The following MYO3A variants were observed in gnomAD, a reference collection of about 807,000 sequenced individuals.
MYO3A encodes the protein myosin-IIIa.
A neutral mutation model predicts 192.7 loss-of-function variants in MYO3A; 180 were observed. The observed-to-expected ratio is 0.93, with a 90% CI of 0.83 to 1.06. The LOEUF (loss-of-function observed/expected upper bound fraction) is 1.06, where lower values mean the gene tolerates loss of function less well. Among genes scored for constraint, MYO3A ranks in the 50% least tolerant of loss-of-function variants. The pLI, the probability that MYO3A is intolerant of heterozygous loss-of-function variation, is 0.00. For missense variants in MYO3A, 1,896 were observed against 1,905.0 expected, an observed-to-expected ratio of 1.00 and a Z score of 0.09; for synonymous variants, 628 against 645.3, an observed-to-expected ratio of 0.97 and a Z score of 0.41.
At chr10:26,078,500 A>T (rs749360778) in intron 14 of MYO3A, among the ~76,000 whole-genome samples, 10 of 150,592 alleles carry the variant, frequency 6.6e-5, no homozygotes, top group Admixed American at 1.3e-4. Context: ...TGTTTGTTTC[A>T]ATTTCATTTA....
rs117335820 is a variant in MYO3A at position 25,984,073 on chromosome 10, A to G, written c.304-12417A>G. On this transcript the variant is annotated intron_variant, in intron 4 of 34. Transcript: ENST00000642920. Reference sequence around the variant, plus strand: ...CAAACAAATACTGAGAGAGTTCACCACTACCAAGCCAGCACTACAAGAACT... The same window carrying G: ...CAAACAAATACTGAGAGAGTTCACCGCTACCAAGCCAGCACTACAAGAACT... Among the ~76,000 whole-genome samples the G allele has an allele frequency of 7.9e-5, 12 of 152,326 alleles. No homozygotes were observed. The East Asian group carries it at 1.9e-3, about 24-fold the overall frequency.
chr10:25,952,389 T>A, intron 3 of MYO3A, 111 bp downstream of exon 3: 1 of 1,213,732 alleles, frequency 8.2e-7, no homozygotes, highest in Non-Finnish European at 1.2e-6. Flanking sequence ...TAAAACAGGT[T>A]ACAATTTGAA....
intron 1 of MYO3A, among the ~76,000 whole-genome samples, chr10:25,934,670 G>T (rs1432364093): frequency 6.6e-6 from 1 of 151,614 alleles, no homozygotes; most frequent in Non-Finnish European, 1.5e-5. Context: ...ACTCGAGGGG[G>T]AGCCAGGAGG....
intron 3 of MYO3A, 134 bp from the exon 4 acceptor site, chr10:25,954,740 C>G (rs1434922132): frequency 1.1e-6 from 1 of 882,820 alleles, no homozygotes; most frequent in African/African-American, 1.7e-5. Flanking sequence ...AATTACAATA[C>G]ATAATACTAA....
At chr10:26,189,168 C>T (rs923413364) in intron 31 of MYO3A, among the ~76,000 whole-genome samples, 1 of 152,116 alleles carries the variant, frequency 6.6e-6, no homozygotes. Context: ...GGCCATACTG[C>T]CCAAGGTAAT....
At chr10:26,139,491 A>G (rs543059140) in intron 20 of MYO3A, among the ~76,000 whole-genome samples, 3 of 152,308 alleles carry the variant, frequency 2.0e-5, no homozygotes, top group African/African-American at 7.2e-5. Flanking sequence ...TGCCCGCCTC[A>G]GCCTCCCAAA....
intron 6 of MYO3A, among the ~76,000 whole-genome samples, chr10:26,001,382 G>A (rs565278957): frequency 6.8e-6 from 1 of 146,672 alleles, no homozygotes; most frequent in Non-Finnish European, 1.5e-5. Flanking sequence ...GAAGATAAGG[G>A]GGGTGGGTGT....
chr10:26,201,200 G>T, intron 32 of MYO3A, 65 bp from the exon 33 acceptor site: 1 of 814,188 alleles, frequency 1.2e-6, no homozygotes, highest in Non-Finnish European at 1.8e-6. Flanking sequence ...TAAGATTATA[G>T]TTATATATCC....
At chr10:26,159,480 C>T (rs749345742) in intron 26 of MYO3A, among the ~76,000 whole-genome samples, 9 of 150,820 alleles carry the variant, frequency 6.0e-5, no homozygotes, top group African/African-American at 9.8e-5. Flanking sequence ...TGCAAACTCA[C>T]GCCATTCTCC....
chr10:25,962,011 G>C (rs1167337586), intron 4 of MYO3A, among the ~76,000 whole-genome samples: 2 of 152,098 alleles, frequency 1.3e-5, no homozygotes, highest in African/African-American at 4.8e-5. Context: ...ATGTATCAGA[G>C]CAATGAGTTA....
chr10:26,144,571 A>G (rs1215590968), intron 21 of MYO3A, among the ~76,000 whole-genome samples: 1 of 152,140 alleles, frequency 6.6e-6, no homozygotes, highest in African/African-American at 2.4e-5. Context: ...CAAAATTGTT[A>G]TAGAAATTCA....
chr10:25,967,059 C>A (rs12242801), intron 4 of MYO3A, among the ~76,000 whole-genome samples: 14,523 of 152,100 alleles, frequency 0.095, 1,222 homozygotes, highest in African/African-American at 0.22. Flanking sequence ...ACTGTTGCTG[C>A]ACTGAAGAAA....
chr10:25,941,806 G>A (rs1357852716), intron 2 of MYO3A, among the ~76,000 whole-genome samples: 1 of 151,914 alleles, frequency 6.6e-6, no homozygotes, highest in Non-Finnish European at 1.5e-5. Context: ...TCTACTTTTT[G>A]TCTTTGAATT....
intron 24 of MYO3A, 32 bp from the exon 25 acceptor site, chr10:26,154,714 C>CAT (rs758864957): frequency 2.5e-6 from 4 of 1,587,352 alleles, no homozygotes; most frequent in Non-Finnish European, 3.5e-6. Flanking sequence ...CAATAGATAC[C>CAT]AAGGCATCAC....
At chr10:26,139,307 C>G (rs922113750) in intron 20 of MYO3A, among the ~76,000 whole-genome samples, 2 of 151,008 alleles carry the variant, frequency 1.3e-5, no homozygotes, top group Admixed American at 6.6e-5. Flanking sequence ...ATGGCATGAT[C>G]TCGGCTCACC....
intron 4 of MYO3A, among the ~76,000 whole-genome samples, chr10:25,982,653 C>T (rs1182403658): frequency 6.6e-6 from 1 of 152,144 alleles, no homozygotes; most frequent in Non-Finnish European, 1.5e-5. Flanking sequence ...TAACCCAGAG[C>T]CTGGTAGCTC....
chr10:26,026,293 G>T, intron 9 of MYO3A, 84 bp from the exon 10 acceptor site: 5 of 1,496,318 alleles, frequency 3.3e-6, no homozygotes, highest in Non-Finnish European at 4.6e-6. Flanking sequence ...ACTCTCGTGT[G>T]TTAGATTAAT....
At chr10:26,123,664 CGCCT>C (rs1839010362) in intron 18 of MYO3A, among the ~76,000 whole-genome samples, 1 of 152,154 alleles carries the variant, frequency 6.6e-6, no homozygotes, top group Non-Finnish European at 1.5e-5. Context: ...CAGTGGCTCA[CGCCT>C]GTAATCCCAG....
Position 26,212,057 on chromosome 10 carries a change from A to C in MYO3A, c.*94A>C, listed in dbSNP as rs370518635. On this transcript the variant is annotated 3_prime_UTR_variant, in exon 35 of 35. Coordinates refer to ENST00000642920, the MANE Select transcript of MYO3A (RefSeq NM_017433.5). ...CACTCTGGGGCTGGCACCAGCAGGC[A>C]CTGAAGCTGCGGCCCTGATCTCCGC... 3.3e-6 allele frequency: 5 copies of C among 1,505,348 alleles called. No homozygotes were observed. In the South Asian group the frequency reaches 5.1e-5, roughly 15 times the overall value. 93.2% of individuals were successfully genotyped at this position (1,505,348 alleles called of 1,614,324 possible). A position where few individuals can be genotyped will look rare whatever the true frequency, so the allele number is the denominator to read the frequency against.
Sources: gnomAD v4.1 joint callset for allele counts (sites outside exome capture counted in the v4.1 genomes callset) on GRCh38, gnomAD v4.1.1 for gene constraint, MANE v1.5 for transcripts, NCBI Gene and HGNC (gene_info 2026-07-23, HGNC 2026-07-21) for gene names.